The following IGF1R variants were observed in gnomAD, a reference collection of about 807,000 sequenced individuals.
IGF1R encodes the protein insulin-like growth factor 1 receptor.
Under a neutral mutation model 144.6 loss-of-function variants are expected in IGF1R, and 44 were observed. The ratio of observed to expected loss-of-function variants is 0.30; its 90% CI spans 0.24 to 0.39. The LOEUF (loss-of-function observed/expected upper bound fraction) is 0.39, where lower values mean the gene tolerates loss of function less well. IGF1R is among the 10% of genes least tolerant of loss of function. IGF1R has a pLI of 1.00. For missense variants in IGF1R, 1,355 were observed against 1,833.7 expected (o/e 0.74, Z 4.77); for synonymous variants, 795 against 722.8 (o/e 1.10, Z -1.60).
At chr15:98,922,457 T>C in intron 11 of IGF1R, 26 bp downstream of exon 11, 1 of 1,603,050 alleles carries the variant, frequency 6.2e-7, no homozygotes, top group Non-Finnish European at 8.5e-7. Context: ...GCTGGCCCCA[T>C]TGCCACCTTC....
At chr15:98,769,157 T>C (rs371815597) in intron 2 of IGF1R, among the ~76,000 whole-genome samples, 2 of 152,336 alleles carry the variant, frequency 1.3e-5, no homozygotes, top group African/African-American at 4.8e-5. Context: ...GCTTGAACAT[T>C]TTTAGACAGG....
At chr15:98,668,957 T>A (rs2052815472) in intron 1 of IGF1R, among the ~76,000 whole-genome samples, 1 of 152,212 alleles carries the variant, frequency 6.6e-6, no homozygotes. Context: ...GATTGTTAAT[T>A]GTTTATGAGC....
chr15:98,820,987 T>C (rs1197257859), intron 2 of IGF1R: 3 of 152,356 alleles, frequency 2.0e-5, no homozygotes, highest in East Asian at 3.9e-4. Context: ...TTCTTTTTGG[T>C]GTACAACAGC....
chr15:98,680,044 AAAGT>A (rs1213558878), intron 1 of IGF1R, among the ~76,000 whole-genome samples: 1 of 152,188 alleles, frequency 6.6e-6, no homozygotes, highest in Non-Finnish European at 1.5e-5. Context: ...AAAGTTTGTA[AAAGT>A]AAAAAAAGTT....
chr15:98,959,280 G>A lies in IGF1R; in HGVS notation c.*1838G>A. On this transcript the variant is annotated 3_prime_UTR_variant, in exon 21 of 21. Coordinates refer to ENST00000650285, the MANE Select transcript of IGF1R (RefSeq NM_000875.5). ...ATTTGGATTACTATTTTTCTTAATG[G>A]CTATTTAATCCTTCCATCCCACGAA... 4.3e-6 allele frequency: 1 copy of A among 233,516 alleles called. No individual in the cohort carries two copies. The highest frequency in any genetic ancestry group is 8.5e-6 in the Non-Finnish European group (1 of 117,924). The allele number at this position is 233,516 out of a possible 1,614,324, so 14.5% of individuals were successfully genotyped here.
chr15:98,650,750 T>G, intron 1 of IGF1R: 3 of 306,136 alleles, frequency 9.8e-6, no homozygotes, highest in South Asian at 1.3e-4. Flanking sequence ...TGGCCTTGGT[T>G]TTGTTGTGGT....
chr15:98,922,328 G>C lies in IGF1R; in HGVS notation c.2382G>C (p.Arg794=), dbSNP rs1435367649. 2 of 1,614,130 alleles carry C rather than the reference G, an allele frequency of 1.2e-6. No individual in the cohort carries two copies. The highest frequency in any genetic ancestry group is 1.7e-5 in the Admixed American group (1 of 60,026). ...AGAGAACTGTCATTTCTAACCTTCGGCCTTTCACATTGTACCGCATCGATA... is the reference window on the plus strand; with the variant it reads ...AGAGAACTGTCATTTCTAACCTTCGCCCTTTCACATTGTACCGCATCGATA... ...NKERTVISNL[R]PFTLYRIDIH... is the part of the protein sequence containing the mutation. Residue 794 remains arginine (R), a synonymous_variant, in exon 11 of 21, where the codon CGG becomes CGC. Coordinates refer to ENST00000650285, the MANE Select transcript of IGF1R (RefSeq NM_000875.5).
chr15:98,793,729 C>T (rs757258093), intron 2 of IGF1R, among the ~76,000 whole-genome samples: 1 of 152,160 alleles, frequency 6.6e-6, no homozygotes, highest in Non-Finnish European at 1.5e-5. Context: ...ATCCCTTTCA[C>T]TGTTTTGACA....
intron 19 of IGF1R, among the ~76,000 whole-genome samples, chr15:98,948,167 G>T (rs1860987366): frequency 1.3e-5 from 2 of 152,196 alleles, no homozygotes; most frequent in African/African-American, 4.8e-5. Flanking sequence ...CAATGTCCAG[G>T]CTGGGGCTTG....
chr15:98,895,853 A>G (rs2014168361), intron 3 of IGF1R, among the ~76,000 whole-genome samples: 1 of 152,202 alleles, frequency 6.6e-6, no homozygotes, highest in Non-Finnish European at 1.5e-5. Context: ...TTACCATCCT[A>G]TTACACACAC....
chr15:98,707,492 T>G lies in IGF1R; in HGVS notation c.95-70T>G, dbSNP rs1307867522. The G allele has an allele frequency of 1.4e-6, 2 of 1,436,900 alleles. No homozygotes were observed. Among genetic ancestry groups the G allele is most frequent in the Non-Finnish European group, 1.9e-6 (2 of 1,036,050 alleles). 89.0% of individuals were successfully genotyped at this position (1,436,900 alleles called of 1,614,324 possible). On this transcript the variant is annotated intron_variant, in intron 1 of 20. Coordinates refer to ENST00000650285, the MANE Select transcript of IGF1R (RefSeq NM_000875.5). This position sits in a 1 kb window ranked among gnomAD's most constrained non-coding sequence, Gnocchi z 6.7. ...CAGGATTCCTGAAAACCAACTGTAT[T>G]ATTGTTTGGAAAATAGTTTAAAAAT...
chr15:98,878,758 C>T (rs1596387650), intron 2 of IGF1R, among the ~76,000 whole-genome samples: 1 of 150,128 alleles, frequency 6.7e-6, no homozygotes. Context: ...CTTGGGAGGC[C>T]AAGTCAGGTG....
rs1325399973 is a variant in IGF1R, at chr15:98,649,281, A to G, written c.-301A>G. ...CCCCTTCCTGCCTCTCCGGGTTTGAAAATGGAGGCCGACGACGCCGACAGC... is the reference window on the plus strand; with the variant it reads ...CCCCTTCCTGCCTCTCCGGGTTTGAGAATGGAGGCCGACGACGCCGACAGC... On this transcript the variant is annotated 5_prime_UTR_variant, in exon 1 of 21. Coordinates refer to ENST00000650285, the MANE Select transcript of IGF1R (RefSeq NM_000875.5). 7 of 211,988 alleles carry G rather than the reference A, an allele frequency of 3.3e-5. No homozygotes were observed. Among genetic ancestry groups the G allele is most frequent in the African/African-American group, 1.4e-4 (6 of 43,978 alleles). 13.1% of individuals were successfully genotyped at this position (211,988 alleles called of 1,614,324 possible). A position where few individuals can be genotyped will look rare whatever the true frequency, so the allele number is the denominator to read the frequency against.
intron 20 of IGF1R, among the ~76,000 whole-genome samples, chr15:98,956,264 G>A (rs2872060): frequency 3.3e-5 from 5 of 152,064 alleles, no homozygotes; most frequent in African/African-American, 7.2e-5. Context: ...CAGCCGATGC[G>A]ACCGACACAC....
At chr15:98,667,248 T>C (rs1707110412) in intron 1 of IGF1R, among the ~76,000 whole-genome samples, 1 of 152,216 alleles carries the variant, frequency 6.6e-6, no homozygotes, top group Admixed American at 6.5e-5. Context: ...GCTTTTTCAT[T>C]TTCTTATTTT....
At chr15:98,747,297 A>G (rs1298551434) in intron 2 of IGF1R, among the ~76,000 whole-genome samples, 1 of 152,062 alleles carries the variant, frequency 6.6e-6, no homozygotes, top group Non-Finnish European at 1.5e-5. Context: ...CCCGGGTTCA[A>G]GTGATTCTCC....
chr15:98,806,524 GAC>G, intron 2 of IGF1R, among the ~76,000 whole-genome samples: 3 of 151,560 alleles, frequency 2.0e-5, no homozygotes, highest in Middle Eastern at 3.4e-3. Flanking sequence ...AATAGTAGGA[GAC>G]TCTCTCTCTC....
chr15:98,852,961 T>C (rs956771897), intron 2 of IGF1R, among the ~76,000 whole-genome samples: 3 of 152,242 alleles, frequency 2.0e-5, no homozygotes, highest in African/African-American at 7.2e-5. Context: ...CAGGTCATGC[T>C]TTATCAACAT....
intron 9 of IGF1R, 149 bp from the exon 10 acceptor site, chr15:98,916,523 A>G (rs549434965): frequency 3.9e-6 from 3 of 773,982 alleles, no homozygotes; most frequent in Non-Finnish European, 6.7e-6. Flanking sequence ...CGGCCTCCCA[A>G]AGTGCTGGGA....
Sources: gnomAD v4.1 joint callset for allele counts (sites outside exome capture counted in the v4.1 genomes callset) on GRCh38, gnomAD v4.1.1 for gene constraint, Gnocchi (gnomAD v3.1) non-coding constraint, MANE v1.5 for transcripts, NCBI Gene and HGNC (gene_info 2026-07-23, HGNC 2026-07-21) for gene names.